STRADA: variants seen among roughly 807,000 people sequenced by gnomAD.
The protein encoded by STRADA is STE20 related adaptor alpha.
Under a neutral mutation model 55.0 loss-of-function variants are expected in STRADA, and 26 were observed. The ratio of observed to expected loss-of-function variants is 0.47; its 90% confidence interval spans 0.35 to 0.66. STRADA has a LOEUF of 0.66. Among genes scored for constraint, STRADA ranks in the 30% least tolerant of loss-of-function variants. The pLI, the probability that STRADA is intolerant of heterozygous loss-of-function variation, is 0.01. For synonymous variants in STRADA, 197 were observed against 210.9 expected (o/e 0.93, Z 0.57); for missense variants, 443 against 549.7 (o/e 0.81, Z 1.94).
rs1050894075 is a variant in STRADA, at chr17:63,703,519, G to A, written c.*80C>T. 6.6e-6 allele frequency: 9 copies of A among 1,372,410 alleles called. No individual in the cohort carries two copies. Among genetic ancestry groups the A allele is most frequent in the Non-Finnish European group, 9.0e-6 (9 of 1,003,674 alleles). 85.0% of individuals were successfully genotyped at this position (1,372,410 alleles called of 1,614,324 possible). On this transcript the variant is annotated 3_prime_UTR_variant, in exon 13 of 13. Transcript: ENST00000336174. ...TCTACCCAATCTGCCCAGGAGGGCG[G>A]GAATGTGGCCGGCCCTCAGGAAGGG...
chr17:63,734,544 T>C (rs1344672087), intron 1 of STRADA, among the ~76,000 whole-genome samples: 10 of 151,890 alleles, frequency 6.6e-5, no homozygotes, highest in Admixed American at 6.6e-4. Context: ...CTTGGGAGGC[T>C]GAGAATCGCT....
At chr17:63,710,976 G>A in intron 6 of STRADA, 140 bp from the exon 7 acceptor site, 1 of 716,364 alleles carries the variant, frequency 1.4e-6, no homozygotes, top group Non-Finnish European at 2.3e-6. Flanking sequence ...CTAAGCAGGT[G>A]CCTGCCAACA....
chr17:63,727,169 T>G (rs2037719068), intron 2 of STRADA: 1 of 157,638 alleles, frequency 6.3e-6, no homozygotes, highest in Non-Finnish European at 1.4e-5. Context: ...AAGACATGGC[T>G]GCTTACATTT....
chr17:63,722,813 G>T (rs1257296468), intron 4 of STRADA, among the ~76,000 whole-genome samples: 1 of 152,128 alleles, frequency 6.6e-6, no homozygotes, highest in Non-Finnish European at 1.5e-5. Context: ...AATGAAAAAA[G>T]TAAATGTTCT....
At chr17:63,732,864 G>A (rs773706977) in intron 1 of STRADA, among the ~76,000 whole-genome samples, 1 of 152,118 alleles carries the variant, frequency 6.6e-6, no homozygotes, top group Non-Finnish European at 1.5e-5. Flanking sequence ...CTAACAGTAT[G>A]AGCCACCACA....
In STRADA at chr17:63,741,724, C is replaced by T. The variant is rs1192879395; in HGVS notation, c.-45+17G>A. Reference sequence around the variant, plus strand: ...ACTGGCCCCGGCAGCGTACCAGGCACCCCGCCAGGCAGGTACCTGTTCCTG... The same window carrying T: ...ACTGGCCCCGGCAGCGTACCAGGCATCCCGCCAGGCAGGTACCTGTTCCTG... On this transcript the variant is annotated intron_variant, in intron 1 of 12. Coordinates refer to ENST00000336174, the MANE Select transcript of STRADA (RefSeq NM_001003787.4). 6.6e-6 allele frequency: 1 copy of T among 152,408 alleles called. No homozygotes were observed. The highest frequency in any genetic ancestry group is 2.4e-5 in the African/African-American group (1 of 41,456). 9.4% of individuals were successfully genotyped at this position (152,408 alleles called of 1,614,324 possible).
chr17:63,710,648 G>C lies in STRADA; in HGVS notation c.458-34C>G, dbSNP rs141239244. The C allele has an allele frequency of 2.1e-5, 34 of 1,613,956 alleles. No homozygotes were observed. In the South Asian group the frequency reaches 3.6e-4, roughly 17 times the overall value. The stretch of plus-strand genomic sequence containing the variant: ...AAGGATTGCATGGAGGCAGTGAAAG[G>C]TAATGGAGGAGGAAAACACAGGCAA... On this transcript the variant is annotated intron_variant, in intron 7 of 12. Transcript: ENST00000336174.
chr17:63,729,215 A>G (rs2037863503), intron 1 of STRADA, among the ~76,000 whole-genome samples: 1 of 152,086 alleles, frequency 6.6e-6, no homozygotes. Flanking sequence ...TTCTTAAACA[A>G]TGTTTATATG....
chr17:63,734,561 C>T (rs1425400693), intron 1 of STRADA, among the ~76,000 whole-genome samples: 5 of 151,946 alleles, frequency 3.3e-5, no homozygotes, highest in East Asian at 1.9e-4. Flanking sequence ...CGCTTGAACT[C>T]GGGAGGCAGA....
At chr17:63,713,780 T>C (rs1317437227) in intron 5 of STRADA, among the ~76,000 whole-genome samples, 1 of 152,038 alleles carries the variant, frequency 6.6e-6, no homozygotes. Flanking sequence ...ACCGGAAACA[T>C]GGCAGCCACA....
rs1362851834 is a variant in STRADA at position 63,704,477 on chromosome 17, C to T, written c.964G>A (p.Gly322Ser). 1.9e-5 allele frequency: 31 copies of T among 1,613,116 alleles called. No individual in the cohort carries two copies. Among genetic ancestry groups the T allele is most frequent in the Non-Finnish European group, 2.5e-5 (29 of 1,179,830 alleles). Residue 322 changes from glycine (G) to serine (S), a missense_variant, in exon 11 of 13, where the codon GGC (glycine) becomes AGC (serine). Transcript: ENST00000336174. ...CTGGTGGTCAGGCTGTCACTCAGGC[C>T]AGAGTTGGCCACTGAGCGCGAAGGG... ...MSPSRSVANS[G>S]LSDSLTTSTP...
intron 1 of STRADA, among the ~76,000 whole-genome samples, chr17:63,728,909 A>AT (rs1226827111): frequency 1.7e-4 from 24 of 145,020 alleles, no homozygotes; most frequent in African/African-American, 1.8e-4. Context: ...AAAAATTTTA[A>AT]TTAATTAATT....
Position 63,703,542 on chromosome 17 carries a change from G to A in STRADA, c.*57C>T, listed in dbSNP as rs1252583216. The A allele has an allele frequency of 1.3e-6, 2 of 1,527,918 alleles. No individual in the cohort carries two copies. Among genetic ancestry groups the A allele is most frequent in the Non-Finnish European group, 1.8e-6 (2 of 1,125,082 alleles). 94.6% of individuals were successfully genotyped at this position (1,527,918 alleles called of 1,614,324 possible). ...CGGGAATGTGGCCGGCCCTCAGGAA[G>A]GGCCTCTGGGTGGCCTCTGCATCCC... On this transcript the variant is annotated 3_prime_UTR_variant, in exon 13 of 13. Coordinates refer to ENST00000336174, the MANE Select transcript of STRADA (RefSeq NM_001003787.4).
chr17:63,715,952 T>A (rs2036845281), intron 4 of STRADA, among the ~76,000 whole-genome samples: 1 of 152,192 alleles, frequency 6.6e-6, no homozygotes, highest in Admixed American at 6.6e-5. Context: ...CATGTTTGAA[T>A]ATGTATCCTG....
chr17:63,739,462 G>A (rs989341461), intron 1 of STRADA, among the ~76,000 whole-genome samples: 1 of 152,008 alleles, frequency 6.6e-6, no homozygotes, highest in Non-Finnish European at 1.5e-5. Flanking sequence ...AAAGTGCTAG[G>A]ATTACACCAT....
At chr17:63,707,586 A>G in intron 8 of STRADA, 168 bp from the exon 9 acceptor site, 1 of 656,758 alleles carries the variant, frequency 1.5e-6, no homozygotes, top group Non-Finnish European at 2.6e-6. Flanking sequence ...TTGAGATAAG[A>G]GTCTCACTCT....
chr17:63,718,667 TGAACA>T (rs1382298164), intron 4 of STRADA: 1 of 152,222 alleles, frequency 6.6e-6, no homozygotes, highest in African/African-American at 2.4e-5. Context: ...TCGCCTGACT[TGAACA>T]ATATTCCCAC....
intron 4 of STRADA, among the ~76,000 whole-genome samples, chr17:63,716,726 C>T (rs1037923492): frequency 6.6e-6 from 1 of 152,134 alleles, no homozygotes; most frequent in Non-Finnish European, 1.5e-5. Context: ...GGTGTACGTC[C>T]ATATTAAAGG....
chr17:63,736,633 A>G (rs1178555861), intron 1 of STRADA, among the ~76,000 whole-genome samples: 2 of 151,840 alleles, frequency 1.3e-5, no homozygotes, highest in Admixed American at 1.3e-4. Context: ...GCCCCAAGAA[A>G]AAAAAAATAA....
Sources: allele counts gnomAD v4.1 joint callset (sites outside exome capture counted in the v4.1 genomes callset), GRCh38; gene constraint gnomAD v4.1.1; transcripts MANE v1.5; gene names NCBI Gene and HGNC (gene_info 2026-07-23, HGNC 2026-07-21).